Variants in KIZ observed in about 807,000 individuals in gnomAD.
KIZ encodes kizuna centrosomal protein, also known as centrosomal protein kizuna.
In KIZ, 68 loss-of-function variants were observed where a neutral mutation model predicts 79.6. That is an observed-to-expected ratio of 0.85 (90% CI 0.70 to 1.05). The LOEUF (loss-of-function observed/expected upper bound fraction) is 1.05. KIZ is among the 50% of genes least tolerant of loss of function. The pLI, the probability that KIZ is intolerant of heterozygous loss-of-function variation, is 0.00. For missense variants in KIZ, 797 were observed against 800.4 expected (o/e 1.00, Z 0.05); for synonymous variants, 280 against 281.8 (o/e 0.99, Z 0.06).
At chr20:21,204,597 C>A (rs878961141) in intron 6 of KIZ, among the ~76,000 whole-genome samples, 2 of 151,950 alleles carry the variant, frequency 1.3e-5, no homozygotes, top group African/African-American at 4.8e-5. Flanking sequence ...CCTAAGATAT[C>A]CCCTCCCCAC....
intron 9 of KIZ, among the ~76,000 whole-genome samples, chr20:21,227,183 C>T (rs533479325): frequency 2.0e-5 from 3 of 152,126 alleles, no homozygotes; most frequent in Non-Finnish European, 4.4e-5. Flanking sequence ...TTAATCCCCC[C>T]CAAATCTGAA....
At chr20:21,225,679 C>CT (rs1359116311) in intron 9 of KIZ, among the ~76,000 whole-genome samples, 16 of 152,178 alleles carry the variant, frequency 1.1e-4, no homozygotes, top group Admixed American at 2.0e-4. Flanking sequence ...GAGCTTTTAA[C>CT]TGATTGGTTC....
chr20:21,159,027 T>A (rs979292570), intron 4 of KIZ, among the ~76,000 whole-genome samples: 7 of 145,188 alleles, frequency 4.8e-5, no homozygotes, highest in Non-Finnish European at 7.6e-5. Flanking sequence ...TATTTTTTTT[T>A]ATGGAGTTTT....
At chr20:21,170,203 A>T (rs1162127097) in intron 6 of KIZ, among the ~76,000 whole-genome samples, 1 of 152,082 alleles carries the variant, frequency 6.6e-6, no homozygotes, top group Non-Finnish European at 1.5e-5. Context: ...GGGTACATGA[A>T]ATATTTTAAT....
At chr20:21,201,999 A>C (rs1328547664) in intron 6 of KIZ, among the ~76,000 whole-genome samples, 7 of 152,248 alleles carry the variant, frequency 4.6e-5, no homozygotes, top group African/African-American at 1.7e-4. Context: ...CTCCTTCAAC[A>C]GCTCATTTTC....
upstream of KIZ, chr20:21,126,028 C>T: frequency 1.5e-6 from 2 of 1,358,082 alleles, no homozygotes; most frequent in Middle Eastern, 2.3e-4. Flanking sequence ...CGGTGTTTAC[C>T]CGCGGTGCAT....
chr20:21,218,207 C>T (rs2036373232), intron 9 of KIZ: 1 of 152,084 alleles, frequency 6.6e-6, no homozygotes, highest in Non-Finnish European at 1.5e-5. Flanking sequence ...CACTTAGTCC[C>T]ATGAGGACAT....
At chr20:21,243,259 C>T (rs2037279349) in intron 11 of KIZ, among the ~76,000 whole-genome samples, 1 of 151,402 alleles carries the variant, frequency 6.6e-6, no homozygotes, top group African/African-American at 2.4e-5. Flanking sequence ...TTAAAGGGAA[C>T]ACTGAAAGGT....
At chr20:21,220,357 G>C (rs1427951011) in intron 9 of KIZ, among the ~76,000 whole-genome samples, 2 of 152,004 alleles carry the variant, frequency 1.3e-5, no homozygotes, top group African/African-American at 4.8e-5. Context: ...AACTTAGAAA[G>C]GTATCCTGCT....
chr20:21,126,564 G>A (rs114457763), intron 1 of KIZ, among the ~76,000 whole-genome samples: 1,764 of 151,930 alleles, frequency 0.012, 31 homozygotes, highest in African/African-American at 0.04. Context: ...CCTTTTACAC[G>A]CCCCCTCCCC....
chr20:21,229,154 T>G, intron 10 of KIZ, 39 bp downstream of exon 10: 1 of 1,202,492 alleles, frequency 8.3e-7, no homozygotes, highest in Non-Finnish European at 1.2e-6. Context: ...GGGCCCAGAG[T>G]GGCAGGCAGG....
chr20:21,178,215 A>T (rs1237879376), intron 6 of KIZ, among the ~76,000 whole-genome samples: 1 of 152,082 alleles, frequency 6.6e-6, no homozygotes, highest in African/African-American at 2.4e-5. Context: ...ATGAACATGG[A>T]ATTCTTTCCA....
At chr20:21,165,872 C>T (rs113837298) in intron 6 of KIZ, among the ~76,000 whole-genome samples, 2,394 of 152,338 alleles carry the variant, frequency 0.016, 61 homozygotes, top group African/African-American at 0.054. Context: ...AACCTCAGCT[C>T]GCTGCAACCT....
chr20:21,162,264 G>C lies in KIZ; in HGVS notation c.799G>C (p.Glu267Gln). 6.2e-7 allele frequency: 1 copy of C among 1,613,974 alleles called. No individual in the cohort carries two copies. The highest frequency in any genetic ancestry group is 1.1e-5 in the South Asian group (1 of 91,078). Residue 267 changes from glutamate to glutamine, a missense_variant, in exon 5 of 13, where the codon GAA (glutamate) becomes CAA (glutamine). Physicochemically the swap from Glu to Gln is conservative, Grantham distance 29. Coordinates refer to ENST00000619189, the MANE Select transcript of KIZ (RefSeq NM_018474.6). ...NTRHGKSNLSEGKKSAELNSP... is the reference protein window; with the variant it reads ...NTRHGKSNLSQGKKSAELNSP... ...ACGTCATGGCAAGAGTAATTTATCT[G>C]AAGGCAAAAAGTCTGCTGAACTCAA...
chr20:21,141,108 C>G (rs1046829820), intron 3 of KIZ, among the ~76,000 whole-genome samples: 1 of 152,032 alleles, frequency 6.6e-6, no homozygotes, highest in Non-Finnish European at 1.5e-5. Flanking sequence ...CTCATTCTGC[C>G]CCCCTACTCC....
intron 4 of KIZ, among the ~76,000 whole-genome samples, chr20:21,159,256 C>T (rs1290948151): frequency 6.6e-6 from 1 of 152,042 alleles, no homozygotes; most frequent in Non-Finnish European, 1.5e-5. Context: ...TGGGCTCAAG[C>T]AATCCTCCCA....
At chr20:21,199,464 A>G (rs1428432118) in intron 6 of KIZ, among the ~76,000 whole-genome samples, 1 of 152,208 alleles carries the variant, frequency 6.6e-6, no homozygotes, top group Admixed American at 6.5e-5. Flanking sequence ...TGCTGTATAC[A>G]TTGTGACTGG....
At chr20:21,167,293 A>T (rs1248795817) in intron 6 of KIZ, among the ~76,000 whole-genome samples, 1 of 152,194 alleles carries the variant, frequency 6.6e-6, no homozygotes, top group African/African-American at 2.4e-5. Context: ...GTCTACCCAT[A>T]ATGACTGGGA....
intron 6 of KIZ, among the ~76,000 whole-genome samples, chr20:21,183,868 C>T (rs1480417627): frequency 1.3e-5 from 2 of 152,164 alleles, no homozygotes; most frequent in Non-Finnish European, 2.9e-5. Context: ...TGATCTACTC[C>T]GTCTGGATCA....
Sources: allele counts gnomAD v4.1 joint callset (sites outside exome capture counted in the v4.1 genomes callset), GRCh38; gene constraint gnomAD v4.1.1; transcripts MANE v1.5; gene names NCBI Gene and HGNC (gene_info 2026-07-23, HGNC 2026-07-21).